Variants in SNTB1 observed in about 807,000 individuals in gnomAD.
SNTB1 encodes beta-1-syntrophin.
Under a neutral mutation model 48.9 loss-of-function variants are expected in SNTB1, and 36 were observed. The observed-to-expected ratio is 0.74, with a 90% confidence interval of 0.56 to 0.97. The LOEUF is 0.97. Ranked by LOEUF, SNTB1 falls within the 50% of genes least tolerant of loss-of-function variation. SNTB1 has a pLI of 0.00. For missense variants in SNTB1, 786 were observed against 703.4 expected, an observed-to-expected ratio of 1.12 and a Z score of -1.33; for synonymous variants, 299 against 294.6, an observed-to-expected ratio of 1.01 and a Z score of -0.15.
chr8:120,637,893 A>G (rs1449366035), intron 2 of SNTB1: 3 of 232,058 alleles, frequency 1.3e-5, no homozygotes, highest in Admixed American at 4.5e-5. Context: ...CCGAGTTAAA[A>G]TCCTGTAAGG....
chr8:120,680,315 C>T (rs777426148), intron 2 of SNTB1, among the ~76,000 whole-genome samples: 2 of 152,300 alleles, frequency 1.3e-5, no homozygotes, highest in East Asian at 3.9e-4. Context: ...ATTGATGCAG[C>T]CTCAACATCC....
intron 1 of SNTB1, among the ~76,000 whole-genome samples, chr8:120,781,712 C>T (rs999711191): frequency 1.3e-5 from 2 of 152,134 alleles, no homozygotes; most frequent in African/African-American, 4.8e-5. Context: ...CATTCTTATT[C>T]AGGAATTTTC....
chr8:120,662,785 A>T (rs976436950), intron 2 of SNTB1, among the ~76,000 whole-genome samples: 1 of 152,150 alleles, frequency 6.6e-6, no homozygotes, highest in Non-Finnish European at 1.5e-5. Context: ...TGAAAGCAAG[A>T]CTTAAATGTA....
chr8:120,629,746 A>T (rs1408513743), intron 3 of SNTB1, among the ~76,000 whole-genome samples: 1 of 152,248 alleles, frequency 6.6e-6, no homozygotes, highest in African/African-American at 2.4e-5. Context: ...AATAAAAGAC[A>T]TTCTTGCTTC....
intron 2 of SNTB1, among the ~76,000 whole-genome samples, chr8:120,667,157 G>C (rs6995583): frequency 1.6e-4 from 5 of 30,652 alleles, no homozygotes; most frequent in Non-Finnish European, 3.4e-4. Context: ...GCTGCAGTGG[G>C]ACCATCATAG....
chr8:120,620,646 C>A (rs1816778900), intron 3 of SNTB1, among the ~76,000 whole-genome samples: 1 of 148,684 alleles, frequency 6.7e-6, no homozygotes, highest in Non-Finnish European at 1.5e-5. Context: ...CAGCACAACT[C>A]CCCCCACCCC....
At position 120,616,992 on chromosome 8, in the gene SNTB1, A is replaced by G. The variant is rs371915204; in HGVS notation, c.996+15452T>C. 2.8e-4 allele frequency among the ~76,000 whole-genome samples: 43 copies of G among 152,364 alleles called. 1 individual carries two copies. Among genetic ancestry groups the G allele is most frequent in the South Asian group, 2.1e-4 (1 of 4,826 alleles). ...ATCAAATCATCTGCTCTGGCAGATA[A>G]TGGTGTAGAACAAGCTTGTCCAACC... is the stretch of plus-strand genomic sequence containing the variant. On this transcript the variant is annotated intron_variant, in intron 3 of 6. Transcript: ENST00000517992.
At chr8:120,634,027 C>G (rs1291488984) in intron 2 of SNTB1, among the ~76,000 whole-genome samples, 2 of 152,096 alleles carry the variant, frequency 1.3e-5, no homozygotes, top group Non-Finnish European at 2.9e-5. Flanking sequence ...TAATCTCCCC[C>G]GCAACTACCC....
At chr8:120,602,557 G>T (rs1176277643) in intron 3 of SNTB1, among the ~76,000 whole-genome samples, 1 of 152,090 alleles carries the variant, frequency 6.6e-6, no homozygotes, top group Non-Finnish European at 1.5e-5. Context: ...ACAATTTCCA[G>T]CCAGCTAGTC....
At chr8:120,676,814 G>T (rs990896121) in intron 2 of SNTB1, among the ~76,000 whole-genome samples, 1 of 152,066 alleles carries the variant, frequency 6.6e-6, no homozygotes, top group African/African-American at 2.4e-5. Context: ...TCAGCATTTT[G>T]GGAGGCTGAG....
chr8:120,718,023 T>G (rs1033369684), intron 1 of SNTB1, among the ~76,000 whole-genome samples: 1 of 152,196 alleles, frequency 6.6e-6, no homozygotes, highest in African/African-American at 2.4e-5. Context: ...AGGGCTGTGC[T>G]CTGGTATTTT....
chr8:120,702,523 C>A (rs1455335493), intron 1 of SNTB1, among the ~76,000 whole-genome samples: 1 of 152,124 alleles, frequency 6.6e-6, no homozygotes, highest in African/African-American at 2.4e-5. Context: ...CTGGGTAAGA[C>A]CTCCTTTTCA....
At chr8:120,711,108 C>T (rs1818455894) in intron 1 of SNTB1, among the ~76,000 whole-genome samples, 1 of 152,000 alleles carries the variant, frequency 6.6e-6, no homozygotes, top group Non-Finnish European at 1.5e-5. Flanking sequence ...ACATTGAAAC[C>T]CAGGTATTCA....
intron 1 of SNTB1, among the ~76,000 whole-genome samples, chr8:120,725,336 C>T (rs577529005): frequency 2.3e-4 from 35 of 152,196 alleles, no homozygotes; most frequent in Non-Finnish European, 4.1e-4. Context: ...TAAGGACTCT[C>T]CATTCTTCCC....
At chr8:120,697,359 A>T (rs1003481975) in intron 1 of SNTB1, among the ~76,000 whole-genome samples, 1 of 152,242 alleles carries the variant, frequency 6.6e-6, no homozygotes, top group South Asian at 2.1e-4. Flanking sequence ...GGTAGGTGTG[A>T]TAATTTTAAA....
At chr8:120,706,169 T>C (rs1437865297) in intron 1 of SNTB1, among the ~76,000 whole-genome samples, 1 of 152,230 alleles carries the variant, frequency 6.6e-6, no homozygotes, top group African/African-American at 2.4e-5. Context: ...TTATTGTTGC[T>C]ATGAAATTTC....
intron 2 of SNTB1, among the ~76,000 whole-genome samples, chr8:120,639,870 T>C (rs1375578010): frequency 6.6e-6 from 1 of 152,242 alleles, no homozygotes; most frequent in Non-Finnish European, 1.5e-5. Context: ...GGGCTCTTTT[T>C]TGTTCCATAC....
intron 1 of SNTB1, among the ~76,000 whole-genome samples, chr8:120,778,337 C>T (rs571634267): frequency 3.8e-4 from 58 of 152,288 alleles, no homozygotes; most frequent in African/African-American, 1.3e-3. Flanking sequence ...CTATTTATTT[C>T]GCAACCCAGG....
chr8:120,541,934 G>A lies in SNTB1; in HGVS notation c.1400C>T (p.Thr467Ile), dbSNP rs1446236500. The A allele has an allele frequency of 2.5e-6, 4 of 1,613,992 alleles. No homozygotes were observed. The highest frequency in any genetic ancestry group is 3.4e-6 in the Non-Finnish European group (4 of 1,179,924). ...GGGAAAGGCACCCTCCTGTGGTTCAGTGGTAATAGAAAATCCATTCTCATA... is the reference window on the plus strand; with the variant it reads ...GGGAAAGGCACCCTCCTGTGGTTCAATGGTAATAGAAAATCCATTCTCATA... ...IHYENGFSIT[T>I]EPQEGAFPKT... Residue 467 changes from threonine to isoleucine, a missense_variant, in exon 6 of 7, where the codon ACT becomes ATT. By Grantham distance (89) the Thr-to-Ile change is moderately conservative. Coordinates refer to ENST00000517992, the MANE Select transcript of SNTB1 (RefSeq NM_021021.4).
Sources: allele counts gnomAD v4.1 joint callset (sites outside exome capture counted in the v4.1 genomes callset), GRCh38; gene constraint gnomAD v4.1.1; transcripts MANE v1.5; gene names NCBI Gene and HGNC (gene_info 2026-07-23, HGNC 2026-07-21).